Variants in DNAAF5 observed in about 807,000 individuals in gnomAD.
DNAAF5 encodes the protein HEAT repeat containing 2.
In DNAAF5, 64 loss-of-function variants were observed where a neutral mutation model predicts 75.8. The ratio of observed to expected loss-of-function variants is 0.84; its 90% confidence interval spans 0.69 to 1.04. The LOEUF (loss-of-function observed/expected upper bound fraction) is 1.04. DNAAF5 is among the 50% of genes least tolerant of loss of function. The probability of loss-of-function intolerance (pLI) is 0.00; values close to 1 mark genes in which losing one functional copy is unlikely to be tolerated. For missense variants in DNAAF5, 1,269 were observed against 1,178.5 expected (o/e 1.08, Z -1.12); for synonymous variants, 657 against 557.2 (o/e 1.18, Z -2.52).
intron 9 of DNAAF5, among the ~76,000 whole-genome samples, chr7:773,715 C>A (rs920738496): frequency 2.0e-5 from 3 of 152,174 alleles, no homozygotes; most frequent in Non-Finnish European, 4.4e-5. Context: ...CCAGGCGTCA[C>A]TCAGGCCTCC....
At chr7:769,121 C>T in intron 8 of DNAAF5, 1 of 762,070 alleles carries the variant, frequency 1.3e-6, no homozygotes. Context: ...GCGGGGGTCT[C>T]AGTCCACTAC....
rs564149646 is a variant in DNAAF5 at position 782,253 on chromosome 7, C to T, written c.2431+2109C>T. Among the ~76,000 whole-genome samples, 8 of 150,076 alleles carry T rather than the reference C, an allele frequency of 5.3e-5. 1 individual carries two copies. The South Asian group carries it at 1.5e-3, about 28-fold the overall frequency. On this transcript the variant is annotated intron_variant, in intron 12 of 12. Transcript: ENST00000297440. ...GCGCGGCGTCAGAAACTCGGATCTT[C>T]GCGGCGTGGCCACCTCCCGACACGC...
At chr7:745,538 TC>T (rs1383701680) in intron 4 of DNAAF5, among the ~76,000 whole-genome samples, 1 of 152,030 alleles carries the variant, frequency 6.6e-6, no homozygotes, top group East Asian at 1.9e-4. Context: ...TACATGCATA[TC>T]GTCACACGCG....
intron 2 of DNAAF5, among the ~76,000 whole-genome samples, chr7:737,165 A>T (rs369745439): frequency 6.6e-6 from 1 of 151,926 alleles, no homozygotes; most frequent in Non-Finnish European, 1.5e-5. Flanking sequence ...GCGCCATCTC[A>T]GCTCACTGCA....
chr7:782,605 C>G lies in DNAAF5; in HGVS notation c.2431+2461C>G, dbSNP rs199817328. ...TTCCCGGCGTGGCCGCGTCCCGTTACGCAGCGTCAGAAACTCGATATTCCT... is the reference window on the plus strand; with the variant it reads ...TTCCCGGCGTGGCCGCGTCCCGTTAGGCAGCGTCAGAAACTCGATATTCCT... On this transcript the variant is annotated intron_variant, in intron 12 of 12. Transcript: ENST00000297440. 3.4e-5 allele frequency among the ~76,000 whole-genome samples: 5 copies of G among 147,826 alleles called. 1 individual carries two copies. The highest frequency in any genetic ancestry group is 7.7e-5 in the African/African-American group (3 of 39,004).
At chr7:739,050 TGTTTGG>T (rs1781821291) in intron 2 of DNAAF5, among the ~76,000 whole-genome samples, 1 of 145,108 alleles carries the variant, frequency 6.9e-6, no homozygotes, top group South Asian at 2.1e-4. Context: ...ACTGTACACC[TGTTTGG>T]GCTGGGGGCT....
In DNAAF5 at chr7:754,888, T is replaced by C; in HGVS notation, c.1257+67T>C. The stretch of plus-strand genomic sequence containing the variant: ...CGAGCTTAAGATCCCGCCTCTGTGG[T>C]GTGCGGGGCCCGAGGCTGTACTGTA... On this transcript the variant is annotated intron_variant, in intron 5 of 12. Coordinates refer to ENST00000297440, the MANE Select transcript of DNAAF5 (RefSeq NM_017802.4). The surrounding 1 kb of genome is among the most constrained non-coding windows in gnomAD (Gnocchi z 4.8). The C allele has an allele frequency of 8.0e-7, 1 of 1,247,168 alleles. No homozygotes were observed. Among genetic ancestry groups the C allele is most frequent in the Non-Finnish European group, 1.1e-6 (1 of 888,880 alleles). The allele number at this position is 1,247,168 out of a possible 1,614,324, so 77.3% of individuals were successfully genotyped here.
intron 6 of DNAAF5, among the ~76,000 whole-genome samples, chr7:760,222 G>A (rs958840968): frequency 3.9e-5 from 6 of 152,204 alleles, no homozygotes; most frequent in South Asian, 4.1e-4. Flanking sequence ...GGAGTGTTTT[G>A]TTTAGTCTTC....
chr7:773,956 C>A, intron 9 of DNAAF5, 92 bp from the exon 10 acceptor site: 1 of 1,457,986 alleles, frequency 6.9e-7, no homozygotes. Flanking sequence ...TCCTGTTTGG[C>A]TCCCCCCTCA....
intron 5 of DNAAF5, among the ~76,000 whole-genome samples, chr7:755,671 C>T (rs1227538202): frequency 2.0e-5 from 3 of 152,076 alleles, no homozygotes; most frequent in Non-Finnish European, 2.9e-5. Flanking sequence ...TTTGAGGCCT[C>T]AGTGAGCTAT....
chr7:732,949 T>C (rs1047522233), intron 2 of DNAAF5, among the ~76,000 whole-genome samples: 2 of 152,236 alleles, frequency 1.3e-5, no homozygotes, highest in African/African-American at 4.8e-5. Context: ...TTTGATTTGA[T>C]TTTTGTACAT....
At chr7:768,811 G>T (rs1279272353) in intron 8 of DNAAF5, 2 of 271,702 alleles carry the variant, frequency 7.4e-6, no homozygotes, top group Non-Finnish European at 1.4e-5. Context: ...GTGGACATTT[G>T]GCTGTTTTCT....
intron 4 of DNAAF5, among the ~76,000 whole-genome samples, chr7:743,386 CAAA>C (rs1355998675): frequency 6.6e-6 from 1 of 151,702 alleles, no homozygotes; most frequent in Non-Finnish European, 1.5e-5. Context: ...AACAAACAAA[CAAA>C]CAAAAAACAG....
chr7:784,833 T>G (rs1294295380), intron 12 of DNAAF5, among the ~76,000 whole-genome samples: 1 of 152,192 alleles, frequency 6.6e-6, no homozygotes, highest in Non-Finnish European at 1.5e-5. Context: ...ACCTGAAGAC[T>G]CTGCAGGACA....
intron 2 of DNAAF5, 38 bp from the exon 3 acceptor site, chr7:740,781 T>C: frequency 1.9e-6 from 3 of 1,610,672 alleles, no homozygotes; most frequent in South Asian, 1.1e-5. Context: ...GCATCCCCTT[T>C]GCCTACACGA....
At chr7:745,965 T>C (rs1782090134) in intron 4 of DNAAF5, among the ~76,000 whole-genome samples, 1 of 152,216 alleles carries the variant, frequency 6.6e-6, no homozygotes, top group African/African-American at 2.4e-5. Flanking sequence ...ACAGAACTTT[T>C]GTTTCAAGTG....
intron 9 of DNAAF5, chr7:770,834 G>C: frequency 2.0e-6 from 1 of 495,402 alleles, no homozygotes; most frequent in South Asian, 3.0e-5. Flanking sequence ...AGGTGGGCCG[G>C]GGGTCCCCAC....
intron 8 of DNAAF5, among the ~76,000 whole-genome samples, chr7:766,958 C>T (rs188395226): frequency 6.6e-5 from 10 of 152,088 alleles, no homozygotes; most frequent in South Asian, 2.1e-4. Context: ...TGTAGGGTCC[C>T]GCTGGGCGTG....
At chr7:755,357 A>G (rs1782450403) in intron 5 of DNAAF5, among the ~76,000 whole-genome samples, 1 of 152,110 alleles carries the variant, frequency 6.6e-6, no homozygotes, top group Non-Finnish European at 1.5e-5. Flanking sequence ...AGGGAGTCCC[A>G]TGCTCAGGCC....
Sources: allele counts gnomAD v4.1 joint callset (sites outside exome capture counted in the v4.1 genomes callset), GRCh38; gene constraint gnomAD v4.1.1; non-coding constraint Gnocchi (gnomAD v3.1); transcripts MANE v1.5; gene names NCBI Gene and HGNC (gene_info 2026-07-23, HGNC 2026-07-21).